The following FGFR4 variants were observed in gnomAD, a reference collection of about 807,000 sequenced individuals.
The protein encoded by FGFR4 is fibroblast growth factor receptor 4.
A neutral mutation model predicts 89.9 loss-of-function variants in FGFR4; 63 were observed. The ratio of observed to expected loss-of-function variants is 0.70; its 90% CI spans 0.57 to 0.86. The LOEUF (loss-of-function observed/expected upper bound fraction) is 0.86, where lower values mean the gene tolerates loss of function less well. FGFR4 is among the 40% of genes least tolerant of loss of function. The pLI is 0.00. For missense variants in FGFR4, 928 were observed against 1,106.7 expected, an observed-to-expected ratio of 0.84 and a Z score of 2.29; for synonymous variants, 486 against 479.4, an observed-to-expected ratio of 1.01 and a Z score of -0.18.
chr5:177,095,624 C>G lies in FGFR4; in HGVS notation c.1722C>G (p.Pro574=), dbSNP rs368118547. 1.9e-6 allele frequency: 3 copies of G among 1,605,184 alleles called. No individual in the cohort carries two copies. The highest frequency in any genetic ancestry group is 1.3e-5 in the African/African-American group (1 of 74,898). Reference sequence around the variant, plus strand: ...GCCCCCCAGGCCCCGACCTCAGCCCCGACGGTCCTCGGAGCAGTGAGGGGC... The same window carrying G: ...GCCCCCCAGGCCCCGACCTCAGCCCGGACGGTCCTCGGAGCAGTGAGGGGC... ...ARRPPGPDLS[P]DGPRSSEGPL... Residue 574 remains proline (P), a synonymous_variant, in exon 13 of 18, where the codon CCC becomes CCG. Transcript: ENST00000292408. This position sits in a 1 kb window ranked among gnomAD's most constrained non-coding sequence, Gnocchi z 5.7.
intron 2 of FGFR4, 155 bp downstream of exon 2, chr5:177,089,848 TG>T: frequency 1.1e-6 from 1 of 948,272 alleles, no homozygotes; most frequent in African/African-American, 1.6e-5. Flanking sequence ...AGTCAGTGCC[TG>T]GCTTCCAGCA....
In FGFR4 at chr5:177,092,475, C is replaced by T. The variant is rs777280353; in HGVS notation, c.882C>T (p.Phe294=). ...ACATCGTCATCAACGGCAGCAGCTT[C>T]GGAGCCGACGGTTTCCCCTATGTGC... ...LKHIVINGSS[F]GADGFPYVQV... is the part of the protein sequence containing the mutation. Residue 294 remains phenylalanine, a synonymous_variant, in exon 7 of 18, where the codon TTC becomes TTT. Transcript: ENST00000292408. The T allele has an allele frequency of 4.4e-6, 7 of 1,593,710 alleles. No homozygotes were observed. In the South Asian group the frequency reaches 4.5e-5, roughly 10 times the overall value.
Position 177,095,524 on chromosome 5 carries a change from C to T in FGFR4, c.1631-9C>T. 1.9e-6 allele frequency: 3 copies of T among 1,611,914 alleles called. No individual in the cohort carries two copies. The highest frequency in any genetic ancestry group is 2.5e-6 in the Non-Finnish European group (3 of 1,178,872). Reference sequence around the variant, plus strand: ...CAGCCTCTCCACGCTCCCTCCACTCCCTCTGCAGGGCCCCTGTACGTGATC... The same window carrying T: ...CAGCCTCTCCACGCTCCCTCCACTCTCTCTGCAGGGCCCCTGTACGTGATC... On this transcript the variant is annotated splice_polypyrimidine_tract_variant and intron_variant, in intron 12 of 17. Transcript: ENST00000292408. The surrounding 1 kb of genome is among the most constrained non-coding windows in gnomAD (Gnocchi z 5.7).
chr5:177,095,446 GC>G lies in FGFR4; in HGVS notation c.1630+8del. ...TGGTGTCTGCACCCAGGAAGGTGGG[GC>G]CGAGGCGGGGCTGGCTGCACGGGCC... is the stretch of plus-strand genomic sequence containing the variant. On this transcript the variant is annotated splice_region_variant and intron_variant, in intron 12 of 17. Coordinates refer to ENST00000292408, the MANE Select transcript of FGFR4 (RefSeq NM_213647.3). The surrounding 1 kb of genome is among the most constrained non-coding windows in gnomAD (Gnocchi z 5.7). The G allele has an allele frequency of 1.2e-6, 2 of 1,614,178 alleles. No homozygotes were observed. Among genetic ancestry groups the G allele is most frequent in the Non-Finnish European group, 1.7e-6 (2 of 1,179,998 alleles).
At position 177,096,692 on chromosome 5, in the gene FGFR4, C is replaced by T. The variant is rs567550101; in HGVS notation, c.2104C>T (p.Leu702=). 1.9e-5 allele frequency: 31 copies of T among 1,606,570 alleles called. 1 individual carries two copies. In the South Asian group the frequency reaches 3.3e-4, roughly 17 times the overall value. The change falls in exon 16 of 18, where the codon CTG becomes TTG. Residue 702 remains leucine (L), a synonymous_variant. Transcript: ENST00000292408. The part of the protein sequence containing the change: ...GIPVEELFSL[L]REGHRMDRPP... ...CCCGGTGGAGGAGCTGTTCTCGCTGCTGCGGGAGGGACATCGGATGGACCG... is the reference window on the plus strand; with the variant it reads ...CCCGGTGGAGGAGCTGTTCTCGCTGTTGCGGGAGGGACATCGGATGGACCG...
intron 8 of FGFR4, 172 bp downstream of exon 8, chr5:177,092,956 G>A (rs772723977): frequency 7.8e-6 from 10 of 1,289,928 alleles, no homozygotes; most frequent in African/African-American, 5.8e-5. Flanking sequence ...CTCTCCACAC[G>A]TGGCCGTCCA....
chr5:177,092,460 C>T lies in FGFR4; in HGVS notation c.867C>T (p.Ile289=). 6.2e-7 allele frequency: 1 copy of T among 1,601,000 alleles called. No individual in the cohort carries two copies. The highest frequency in any genetic ancestry group is 8.5e-7 in the Non-Finnish European group (1 of 1,173,480). ...TCCAGTGGCTGAAGCACATCGTCAT[C>T]AACGGCAGCAGCTTCGGAGCCGACG... The part of the protein sequence containing the change: ...PHIQWLKHIV[I]NGSSFGADGF... Residue 289 remains isoleucine (I), a synonymous_variant, in exon 7 of 18, where the codon ATC becomes ATT. Transcript: ENST00000292408.
At position 177,090,442 on chromosome 5, in the gene FGFR4, C is replaced by T. The variant is rs1394293751; in HGVS notation, c.144C>T (p.Ala48=). ...LEQQEQELTV[A]LGQPVRLCCG... ...AGCAAGAGCAGGAGCTGACAGTAGC[C>T]CTTGGGCAGCCTGTGCGTCTGTGCT... Residue 48 remains alanine (A), a synonymous_variant, in exon 3 of 18, where the codon GCC becomes GCT. Transcript: ENST00000292408. The T allele has an allele frequency of 6.2e-7, 1 of 1,605,490 alleles. No homozygotes were observed. Among genetic ancestry groups the T allele is most frequent in the Non-Finnish European group, 8.5e-7 (1 of 1,178,780 alleles).
intron 16 of FGFR4, among the ~76,000 whole-genome samples, 164 bp downstream of exon 16, chr5:177,096,905 TTCC>T (rs879157960): frequency 1.9e-4 from 3 of 15,506 alleles, no homozygotes; most frequent in African/African-American, 5.4e-4. Flanking sequence ...CCTCCTCCTC[TTCC>T]TCCTCCTCTT....
In FGFR4 at chr5:177,092,448, G is replaced by A. The variant is rs2149733936; in HGVS notation, c.855G>A (p.Lys285=). The change falls in exon 7 of 18, where the codon AAG becomes AAA. Residue 285 remains lysine, a synonymous_variant. Coordinates refer to ENST00000292408, the MANE Select transcript of FGFR4 (RefSeq NM_213647.3). ...SDAQPHIQWL[K]HIVINGSSFG... ...CCCAGCCCCACATCCAGTGGCTGAA[G>A]CACATCGTCATCAACGGCAGCAGCT... 1 of 1,603,944 alleles carries A rather than the reference G, an allele frequency of 6.2e-7. No individual in the cohort carries two copies. Among genetic ancestry groups the A allele is most frequent in the Non-Finnish European group, 8.5e-7 (1 of 1,174,950 alleles).
Position 177,096,447 on chromosome 5 carries a change from G to A in FGFR4, c.2015+90G>A. The A allele has an allele frequency of 2.6e-6, 4 of 1,557,944 alleles. No homozygotes were observed. The South Asian group carries it at 4.6e-5, about 18-fold the overall frequency. ...TGGCCCCAGGAGTCATGCGCTCGAG[G>A]GCTCCTTCAGATTTGGTCTGGGACC... On this transcript the variant is annotated intron_variant, in intron 15 of 17. Coordinates refer to ENST00000292408, the MANE Select transcript of FGFR4 (RefSeq NM_213647.3).
chr5:177,090,137 T>TGTGC (rs1554162994), intron 2 of FGFR4: 1 of 559,510 alleles, frequency 1.8e-6, no homozygotes, highest in Non-Finnish European at 3.4e-6. Flanking sequence ...TGTGTATGCG[T>TGTGC]GTGTGTGTGT....
rs776978786 is a variant in FGFR4 at position 177,091,038 on chromosome 5, G to A, written c.537G>A (p.Thr179=). 1.7e-5 allele frequency: 28 copies of A among 1,609,930 alleles called. No individual in the cohort carries two copies. Among genetic ancestry groups the A allele is most frequent in the Admixed American group, 3.3e-5 (2 of 59,916 alleles). ...GCTGTCCAGCTGCAGGCAACCCCAC[G>A]CCCACCATCCGCTGGCTTAAGGATG... is the stretch of plus-strand genomic sequence containing the variant. ...KFRCPAAGNP[T]PTIRWLKDGQ... The change falls in exon 5 of 18, where the codon ACG becomes ACA. Residue 179 remains threonine, a synonymous_variant. Coordinates refer to ENST00000292408, the MANE Select transcript of FGFR4 (RefSeq NM_213647.3).
chr5:177,096,579 C>T (rs1408696736), intron 15 of FGFR4, 25 bp from the exon 16 acceptor site: 1 of 1,612,850 alleles, frequency 6.2e-7, no homozygotes. Context: ...CGCTGAGCCA[C>T]ACTGAGCCCT....
chr5:177,092,938 C>T (rs776939420), intron 8 of FGFR4, 154 bp downstream of exon 8: 4 of 1,334,622 alleles, frequency 3.0e-6, no homozygotes, highest in Non-Finnish European at 4.2e-6. Flanking sequence ...ATGACAGCCC[C>T]TCTGTGCCTC....
Position 177,093,273 on chromosome 5 carries a change from G to A in FGFR4, c.1193G>A (p.Arg398Gln), listed in dbSNP as rs1562071377. The A allele has an allele frequency of 9.9e-6, 16 of 1,612,754 alleles. No homozygotes were observed. The highest frequency in any genetic ancestry group is 2.2e-5 in the East Asian group (1 of 44,852). The change falls in exon 9 of 18, where the codon CGG becomes CAG. Residue 398 changes from arginine to glutamine, a missense_variant. Transcript: ENST00000292408. The surrounding 1 kb of genome is among the most constrained non-coding windows in gnomAD (Gnocchi z 5.8). ...GLYRGQALHG[R>Q]HPRPPATVQK... ...TATCGAGGGCAGGCGCTCCACGGCC[G>A]GCACCCCCGCCCGCCCGCCACTGTG...
At position 177,097,862 on chromosome 5, in the gene FGFR4, G is replaced by C; in HGVS notation, c.*186G>C. On this transcript the variant is annotated 3_prime_UTR_variant, in exon 18 of 18. Transcript: ENST00000292408. ...CTGTGTCCTGATGGCCCAAATGTCAGGGTTCTGCTCGGCTTCTTGGACCTT... is the reference window on the plus strand; with the variant it reads ...CTGTGTCCTGATGGCCCAAATGTCACGGTTCTGCTCGGCTTCTTGGACCTT... The C allele has an allele frequency of 1.5e-6, 1 of 657,324 alleles. No homozygotes were observed. Among genetic ancestry groups the C allele is most frequent in the Non-Finnish European group, 2.4e-6 (1 of 417,414 alleles). The allele number at this position is 657,324 out of a possible 1,614,324, so 40.7% of individuals were successfully genotyped here. A position where few individuals can be genotyped will look rare whatever the true frequency, so the allele number is the denominator to read the frequency against.
intron 16 of FGFR4, 36 bp downstream of exon 16, chr5:177,096,777 GTCC>G (rs747817885): frequency 5.8e-5 from 90 of 1,550,644 alleles, no homozygotes; most frequent in Middle Eastern, 2.0e-4. Context: ...CCACTTTCCA[GTCC>G]TCCTCCTCCT....
Position 177,097,782 on chromosome 5 carries a change from C to A in FGFR4, c.*106C>A. 7.0e-7 allele frequency: 1 copy of A among 1,423,734 alleles called. No individual in the cohort carries two copies. The highest frequency in any genetic ancestry group is 9.4e-7 in the Non-Finnish European group (1 of 1,065,446). The allele number at this position is 1,423,734 out of a possible 1,614,324, so 88.2% of individuals were successfully genotyped here. A position where few individuals can be genotyped will look rare whatever the true frequency, so the allele number is the denominator to read the frequency against. Reference sequence around the variant, plus strand: ...CCTTGATAGCATGGGGCCCCTGGCCCAGAGTTGCTGTGCCGTGTCCAAGGG... The same window carrying A: ...CCTTGATAGCATGGGGCCCCTGGCCAAGAGTTGCTGTGCCGTGTCCAAGGG... On this transcript the variant is annotated 3_prime_UTR_variant, in exon 18 of 18. Transcript: ENST00000292408.
Sources: allele counts gnomAD v4.1 joint callset (sites outside exome capture counted in the v4.1 genomes callset), GRCh38; gene constraint gnomAD v4.1.1; non-coding constraint Gnocchi (gnomAD v3.1); transcripts MANE v1.5; gene names NCBI Gene and HGNC (gene_info 2026-07-23, HGNC 2026-07-21).